The following ITGBL1 variants were observed in gnomAD, a reference collection of about 807,000 sequenced individuals.
The protein encoded by ITGBL1 is integrin beta-like protein 1.
In ITGBL1, 51 loss-of-function variants were observed where a neutral mutation model predicts 68.5. The ratio of observed to expected loss-of-function variants is 0.74; its 90% CI spans 0.59 to 0.94. The LOEUF (loss-of-function observed/expected upper bound fraction) is 0.94. Among genes scored for constraint, ITGBL1 ranks in the 40% least tolerant of loss-of-function variants. The probability of loss-of-function intolerance (pLI) is 0.00; values close to 1 mark genes in which losing one functional copy is unlikely to be tolerated. For missense variants in ITGBL1, 649 were observed against 647.4 expected (o/e 1.00, Z -0.03); for synonymous variants, 209 against 227.3 (o/e 0.92, Z 0.72).
chr13:101,493,175 C>T (rs1475916458), intron 2 of ITGBL1, among the ~76,000 whole-genome samples: 1 of 151,996 alleles, frequency 6.6e-6, no homozygotes, highest in African/African-American at 2.4e-5. Context: ...TTAGATACAC[C>T]TCTACTATTT....
intron 7 of ITGBL1, among the ~76,000 whole-genome samples, chr13:101,634,472 C>T (rs754600337): frequency 7.9e-5 from 12 of 152,012 alleles, no homozygotes; most frequent in East Asian, 1.9e-4. Flanking sequence ...GTTTTAATGA[C>T]GAGATTAAGT....
chr13:101,617,993 C>G (rs2031434095), intron 7 of ITGBL1, among the ~76,000 whole-genome samples: 1 of 152,146 alleles, frequency 6.6e-6, no homozygotes, highest in African/African-American at 2.4e-5. Flanking sequence ...TAATCATTCA[C>G]TCAATGTGAT....
intron 2 of ITGBL1, among the ~76,000 whole-genome samples, chr13:101,509,453 TC>T (rs2049080076): frequency 6.6e-6 from 1 of 152,190 alleles, no homozygotes; most frequent in Non-Finnish European, 1.5e-5. Context: ...ATTCAAACAT[TC>T]ATCCCTCATT....
intron 9 of ITGBL1, among the ~76,000 whole-genome samples, chr13:101,709,398 A>AG (rs869129974): frequency 6.9e-6 from 1 of 144,852 alleles, no homozygotes; most frequent in Non-Finnish European, 1.5e-5. Flanking sequence ...AAAAAAAAAA[A>AG]GAAAAGCAGG....
chr13:101,529,578 T>C (rs2049437584), intron 2 of ITGBL1, among the ~76,000 whole-genome samples: 1 of 152,234 alleles, frequency 6.6e-6, no homozygotes, highest in African/African-American at 2.4e-5. Flanking sequence ...ACATAGTTCA[T>C]GTGGTTTGGC....
chr13:101,593,509 G>A (rs2050692560), intron 6 of ITGBL1, among the ~76,000 whole-genome samples: 1 of 151,922 alleles, frequency 6.6e-6, no homozygotes, highest in Non-Finnish European at 1.5e-5. Flanking sequence ...GTCAAGATAT[G>A]GAATCAACCC....
chr13:101,707,470 A>G (rs186206396), intron 9 of ITGBL1, among the ~76,000 whole-genome samples: 62 of 152,328 alleles, frequency 4.1e-4, no homozygotes, highest in African/African-American at 1.5e-3. Flanking sequence ...GTATCCCACA[A>G]GTCTGATGGA....
intron 7 of ITGBL1, among the ~76,000 whole-genome samples, chr13:101,641,854 T>C (rs2032389603): frequency 6.6e-6 from 1 of 151,392 alleles, no homozygotes; most frequent in African/African-American, 2.4e-5. Flanking sequence ...AGAATGATGA[T>C]TTCCAATTTC....
At chr13:101,580,457 A>ATTG (rs944467998) in intron 5 of ITGBL1, among the ~76,000 whole-genome samples, 1 of 151,792 alleles carries the variant, frequency 6.6e-6, no homozygotes, top group Non-Finnish European at 1.5e-5. Flanking sequence ...TATTATTATT[A>ATTG]TACTTTAAGT....
At chr13:101,706,470 T>C (rs555635347) in intron 8 of ITGBL1, among the ~76,000 whole-genome samples, 1 of 152,304 alleles carries the variant, frequency 6.6e-6, no homozygotes, top group Non-Finnish European at 1.5e-5. Context: ...AAAATGCAAA[T>C]GAAGAAGTAT....
chr13:101,573,665 C>A (rs78802603), intron 3 of ITGBL1, among the ~76,000 whole-genome samples: 163 of 152,210 alleles, frequency 1.1e-3, no homozygotes, highest in African/African-American at 3.8e-3. Context: ...AGATTATTTG[C>A]AGATATGGAA....
chr13:101,540,018 T>TA (rs1158850625), intron 2 of ITGBL1, among the ~76,000 whole-genome samples: 1 of 152,228 alleles, frequency 6.6e-6, no homozygotes, highest in Non-Finnish European at 1.5e-5. Flanking sequence ...TTCACTCTGA[T>TA]GGTGGCTTAT....
In ITGBL1 at chr13:101,584,453, G is replaced by T. The variant is rs193273544; in HGVS notation, c.868+1097G>T. On this transcript the variant is annotated intron_variant, in intron 6 of 10. Coordinates refer to ENST00000376180, the MANE Select transcript of ITGBL1 (RefSeq NM_004791.3). ...TGCTAAGCTTGACTGCCTCATTGGTGCATGCAGATGGATAGAAACTCCTCT... is the reference window on the plus strand; with the variant it reads ...TGCTAAGCTTGACTGCCTCATTGGTTCATGCAGATGGATAGAAACTCCTCT... 2.6e-5 allele frequency among the ~76,000 whole-genome samples: 4 copies of T among 152,262 alleles called. No homozygotes were observed. In the East Asian group the frequency reaches 7.8e-4, roughly 30 times the overall value.
chr13:101,692,033 A>G (rs1205598658), intron 7 of ITGBL1, among the ~76,000 whole-genome samples: 4 of 152,208 alleles, frequency 2.6e-5, no homozygotes, highest in African/African-American at 7.2e-5. Context: ...GACGAGGATA[A>G]TAAAGATATT....
At chr13:101,652,013 C>A (rs950142409) in intron 7 of ITGBL1, among the ~76,000 whole-genome samples, 1 of 152,132 alleles carries the variant, frequency 6.6e-6, no homozygotes, top group African/African-American at 2.4e-5. Flanking sequence ...GTTCTCTATT[C>A]TGTTGCATTG....
At chr13:101,612,899 G>A (rs1053366794) in intron 7 of ITGBL1, among the ~76,000 whole-genome samples, 2 of 152,088 alleles carry the variant, frequency 1.3e-5, no homozygotes, top group Admixed American at 6.6e-5. Context: ...TGCCAACACC[G>A]TGCCTTCCCT....
At chr13:101,538,101 T>C (rs1290597743) in intron 2 of ITGBL1, among the ~76,000 whole-genome samples, 2 of 152,086 alleles carry the variant, frequency 1.3e-5, no homozygotes, top group African/African-American at 4.8e-5. Flanking sequence ...ATTTCATGTA[T>C]GTAAAACAGG....
At chr13:101,642,068 G>T (rs1231698437) in intron 7 of ITGBL1, among the ~76,000 whole-genome samples, 1 of 151,734 alleles carries the variant, frequency 6.6e-6, no homozygotes, top group African/African-American at 2.4e-5. Flanking sequence ...AGTCCTTTGG[G>T]TATATACCCA....
At chr13:101,607,151 T>C (rs2030907312) in intron 7 of ITGBL1, among the ~76,000 whole-genome samples, 1 of 151,948 alleles carries the variant, frequency 6.6e-6, no homozygotes, top group African/African-American at 2.4e-5. Flanking sequence ...ACAGGTAAAA[T>C]GATAAGAACA....
Sources: allele counts gnomAD v4.1 joint callset (sites outside exome capture counted in the v4.1 genomes callset), GRCh38; gene constraint gnomAD v4.1.1; transcripts MANE v1.5; gene names NCBI Gene and HGNC (gene_info 2026-07-23, HGNC 2026-07-21).